DLGAP1: variants seen among roughly 807,000 people sequenced by gnomAD.
DLGAP1 encodes disks large-associated protein 1.
A neutral mutation model predicts 90.8 loss-of-function variants in DLGAP1; 11 were observed. That is an observed-to-expected ratio of 0.12 (90% confidence interval 0.08 to 0.20). The LOEUF (loss-of-function observed/expected upper bound fraction) is 0.20. Among genes scored for constraint, DLGAP1 ranks in the 10% least tolerant of loss-of-function variants. The pLI is 1.00. For missense variants in DLGAP1, 1,050 were observed against 1,333.8 expected (o/e 0.79, Z 3.31); for synonymous variants, 558 against 540.7 (o/e 1.03, Z -0.44).
At chr18:3,583,172 A>T (rs60710057) in intron 7 of DLGAP1, among the ~76,000 whole-genome samples, 44,601 of 123,522 alleles carry the variant, frequency 0.36, 7,392 homozygotes, top group East Asian at 0.47. Context: ...CTACCTACCT[A>T]CCTACCTACC....
intron 5 of DLGAP1, among the ~76,000 whole-genome samples, chr18:3,745,535 G>A (rs1481829838): frequency 6.6e-6 from 1 of 152,162 alleles, no homozygotes; most frequent in East Asian, 1.9e-4. Flanking sequence ...AGTGGTAGTA[G>A]AGAGGAAGAG....
intron 7 of DLGAP1, among the ~76,000 whole-genome samples, chr18:3,626,791 G>C (rs948285766): frequency 4.0e-5 from 6 of 151,606 alleles, no homozygotes; most frequent in Non-Finnish European, 7.4e-5. Flanking sequence ...CCAGCTACTC[G>C]GGAGGCTGAG....
intron 5 of DLGAP1, among the ~76,000 whole-genome samples, chr18:3,748,823 T>C (rs80245604): frequency 0.019 from 2,951 of 152,300 alleles, 51 homozygotes; most frequent in Middle Eastern, 0.079. Context: ...TAGTAGTCAA[T>C]CTGCTTTGGT....
intron 3 of DLGAP1, among the ~76,000 whole-genome samples, chr18:3,935,828 G>T (rs577812826): frequency 1.3e-5 from 2 of 152,268 alleles, no homozygotes; most frequent in East Asian, 3.9e-4. Context: ...GGTTTGAAAC[G>T]AGCTCTCATT....
intron 1 of DLGAP1, among the ~76,000 whole-genome samples, chr18:4,446,032 T>C (rs969978823): frequency 2.0e-5 from 3 of 151,964 alleles, no homozygotes; most frequent in African/African-American, 4.8e-5. Context: ...ATCAAGTAGA[T>C]GGAGCTTGAG....
At chr18:3,906,812 A>C (rs183041628) in intron 3 of DLGAP1, among the ~76,000 whole-genome samples, 1 of 152,360 alleles carries the variant, frequency 6.6e-6, no homozygotes, top group Admixed American at 6.5e-5. Flanking sequence ...GAATTTATAG[A>C]TAACACACCA....
chr18:3,760,643 T>G (rs1351682433), intron 5 of DLGAP1, among the ~76,000 whole-genome samples: 1 of 152,134 alleles, frequency 6.6e-6, no homozygotes, highest in East Asian at 1.9e-4. Flanking sequence ...TGTCCAGAAC[T>G]GAACAGCAAC....
intron 6 of DLGAP1, among the ~76,000 whole-genome samples, chr18:3,737,107 T>G (rs1350757789): frequency 4.3e-3 from 629 of 145,470 alleles, no homozygotes; most frequent in African/African-American, 9.2e-3. Context: ...AATAACAGGA[T>G]CTGAAATTGT....
intron 7 of DLGAP1, among the ~76,000 whole-genome samples, chr18:3,649,938 C>T (rs1277725058): frequency 1.3e-5 from 2 of 152,204 alleles, no homozygotes; most frequent in Non-Finnish European, 2.9e-5. Context: ...CACACATCTT[C>T]CAGTTTCTGG....
chr18:3,874,000 C>A, intron 4 of DLGAP1: 1 of 1,395,198 alleles, frequency 7.2e-7, no homozygotes, highest in Non-Finnish European at 9.5e-7. Context: ...TCTGTGCACA[C>A]ATTAATTTGT....
chr18:4,051,760 A>C (rs991738503), intron 2 of DLGAP1, among the ~76,000 whole-genome samples: 3 of 151,930 alleles, frequency 2.0e-5, no homozygotes, highest in African/African-American at 4.8e-5. Flanking sequence ...TCATCTAGAC[A>C]ATGCAAGTCC....
chr18:3,995,620 G>C (rs751279879), intron 3 of DLGAP1: 8 of 151,348 alleles, frequency 5.3e-5, no homozygotes, highest in Non-Finnish European at 1.2e-4. Flanking sequence ...CCCATTTATC[G>C]CACCAGCTGT....
chr18:4,363,680 G>A (rs2081684741), intron 1 of DLGAP1, among the ~76,000 whole-genome samples: 1 of 152,186 alleles, frequency 6.6e-6, no homozygotes, highest in African/African-American at 2.4e-5. Context: ...GGTCATCAGA[G>A]AAATGCAAAT....
At chr18:4,318,046 C>A (rs1307291772) in intron 1 of DLGAP1, among the ~76,000 whole-genome samples, 1 of 152,128 alleles carries the variant, frequency 6.6e-6, no homozygotes, top group Admixed American at 6.5e-5. Flanking sequence ...CAGGGTTTCA[C>A]CATGTTGGCC....
intron 1 of DLGAP1, among the ~76,000 whole-genome samples, chr18:4,445,593 C>T (rs564904880): frequency 6.6e-6 from 1 of 151,922 alleles, no homozygotes; most frequent in Non-Finnish European, 1.5e-5. Flanking sequence ...TGATGATTTC[C>T]AATTTCATCC....
chr18:4,429,198 T>C (rs1390513054), intron 1 of DLGAP1, among the ~76,000 whole-genome samples: 1 of 152,210 alleles, frequency 6.6e-6, no homozygotes, highest in Admixed American at 6.5e-5. Flanking sequence ...TCTTCCAGGA[T>C]GAGTTAGAAC....
chr18:4,449,656 C>T (rs866527166), intron 1 of DLGAP1, among the ~76,000 whole-genome samples: 2 of 152,082 alleles, frequency 1.3e-5, no homozygotes, highest in African/African-American at 2.4e-5. Context: ...CTTGATCTCA[C>T]GGAATGCACA....
chr18:4,280,957 G>A (rs1598801786), intron 1 of DLGAP1: 2 of 152,016 alleles, frequency 1.3e-5, no homozygotes, highest in East Asian at 3.9e-4. Flanking sequence ...TGGCCTTGGT[G>A]GAAATATAAA....
chr18:3,972,381 A>G (rs1346377520), intron 3 of DLGAP1, among the ~76,000 whole-genome samples: 2 of 152,030 alleles, frequency 1.3e-5, no homozygotes, highest in African/African-American at 2.4e-5. Flanking sequence ...ATATCTATCT[A>G]TATCAGTTTA....
Sources: allele counts gnomAD v4.1 joint callset (sites outside exome capture counted in the v4.1 genomes callset), GRCh38; gene constraint gnomAD v4.1.1; transcripts MANE v1.5; gene names NCBI Gene and HGNC (gene_info 2026-07-23, HGNC 2026-07-21).